Variants in VPS41 observed in about 807,000 individuals in gnomAD.
VPS41 encodes the protein vacuolar protein sorting-associated protein 41 homolog.
Under a neutral mutation model 130.9 loss-of-function variants are expected in VPS41, and 85 were observed. That is an observed-to-expected ratio of 0.65 (90% CI 0.55 to 0.78). The LOEUF (loss-of-function observed/expected upper bound fraction) is 0.78. Among genes scored for constraint, VPS41 ranks in the 30% least tolerant of loss-of-function variants. The probability of loss-of-function intolerance (pLI) is 0.00; values close to 1 mark genes in which losing one functional copy is unlikely to be tolerated. For synonymous variants in VPS41, 335 were observed against 332.9 expected (o/e 1.01, Z -0.07); for missense variants, 874 against 1,018.7 (o/e 0.86, Z 1.93).
intron 17 of VPS41, among the ~76,000 whole-genome samples, chr7:38,761,213 CTTTCTCTCTCTCTCCCTCTTTCTTTGTT>C (rs1783904694): frequency 7.2e-6 from 1 of 138,066 alleles, no homozygotes; most frequent in Non-Finnish European, 1.6e-5. Context: ...CCTTCCTTTT[CTTTCTCTCTCTCTCCCTCTTTCTTTGTT>C]TTTCTCTCTC....
chr7:38,742,666 T>C (rs1200373229), intron 24 of VPS41, among the ~76,000 whole-genome samples: 1 of 151,976 alleles, frequency 6.6e-6, no homozygotes, highest in African/African-American at 2.4e-5. Flanking sequence ...ATCTTGCTAG[T>C]TACAAGTGAG....
intron 3 of VPS41, 107 bp from the exon 4 acceptor site, chr7:38,862,729 G>A (rs1482362546): frequency 1.5e-6 from 1 of 650,574 alleles, no homozygotes; most frequent in East Asian, 3.0e-5. Flanking sequence ...TAAATGATCT[G>A]CAATGTCTCA....
intron 4 of VPS41, among the ~76,000 whole-genome samples, chr7:38,842,599 C>T (rs1785631326): frequency 1.3e-5 from 2 of 152,302 alleles, no homozygotes; most frequent in East Asian, 1.9e-4. Flanking sequence ...TCTCTTCAGG[C>T]TCATTTCCAG....
At chr7:38,851,581 A>G (rs1449938077) in intron 4 of VPS41, among the ~76,000 whole-genome samples, 1 of 152,236 alleles carries the variant, frequency 6.6e-6, no homozygotes, top group Non-Finnish European at 1.5e-5. Flanking sequence ...AAATGGACGT[A>G]TAGATTGTTT....
At chr7:38,753,897 C>G (rs971742116) in intron 21 of VPS41, among the ~76,000 whole-genome samples, 7 of 152,180 alleles carry the variant, frequency 4.6e-5, no homozygotes, top group African/African-American at 1.4e-4. Flanking sequence ...AAAAAATGCT[C>G]TATTCCCTAA....
At position 38,726,133 on chromosome 7, in the gene VPS41, T is replaced by C. The variant is rs1795535835; in HGVS notation, c.*113A>G. The C allele has an allele frequency of 2.8e-6, 2 of 704,726 alleles. No homozygotes were observed. Among genetic ancestry groups the C allele is most frequent in the South Asian group, 1.8e-5 (1 of 56,966 alleles). The allele number at this position is 704,726 out of a possible 1,614,324, so 43.7% of individuals were successfully genotyped here. A position where few individuals can be genotyped will look rare whatever the true frequency, so the allele number is the denominator to read the frequency against. On this transcript the variant is annotated 3_prime_UTR_variant, in exon 29 of 29. Coordinates refer to ENST00000310301, the MANE Select transcript of VPS41 (RefSeq NM_014396.4). ...TAGATGAAGAAATTGTTTTTGAGTA[T>C]AATATAAACATAAACAAATCTCTTA...
intron 17 of VPS41, among the ~76,000 whole-genome samples, chr7:38,763,082 G>A (rs1383114859): frequency 6.6e-6 from 1 of 152,092 alleles, no homozygotes; most frequent in African/African-American, 2.4e-5. Context: ...TTCAGCATTT[G>A]TAAAGGAAGT....
intron 25 of VPS41, among the ~76,000 whole-genome samples, chr7:38,737,123 G>A (rs1358934337): frequency 6.6e-6 from 1 of 152,100 alleles, no homozygotes; most frequent in Non-Finnish European, 1.5e-5. Context: ...CACCTGCCAT[G>A]CCAGCACTTT....
intron 7 of VPS41, among the ~76,000 whole-genome samples, chr7:38,803,781 A>C (rs1423369336): frequency 6.6e-6 from 1 of 152,168 alleles, no homozygotes; most frequent in Non-Finnish European, 1.5e-5. Context: ...TGAACCCTGA[A>C]GGAGGCAGGA....
chr7:38,784,444 G>A (rs1460078389), intron 10 of VPS41, among the ~76,000 whole-genome samples: 2 of 152,012 alleles, frequency 1.3e-5, no homozygotes, highest in Non-Finnish European at 2.9e-5. Context: ...ATACCAGCAT[G>A]GGCAACAAAA....
At chr7:38,758,974 C>G (rs1783861389) in intron 17 of VPS41, among the ~76,000 whole-genome samples, 2 of 152,236 alleles carry the variant, frequency 1.3e-5, no homozygotes, top group African/African-American at 4.8e-5. Context: ...CCCTCTGCAT[C>G]TAATCCATTT....
At chr7:38,871,092 A>G (rs1786348325) in intron 2 of VPS41, among the ~76,000 whole-genome samples, 1 of 152,202 alleles carries the variant, frequency 6.6e-6, no homozygotes. Flanking sequence ...GAAAGGAACA[A>G]GAGCAACATT....
intron 27 of VPS41, 104 bp downstream of exon 27, chr7:38,728,438 A>G (rs878953051): frequency 1.6e-6 from 2 of 1,271,884 alleles, no homozygotes; most frequent in South Asian, 2.4e-5. Flanking sequence ...GGTTATTCTG[A>G]AAGTTATATA....
At chr7:38,848,963 C>A (rs944183390) in intron 4 of VPS41, among the ~76,000 whole-genome samples, 2 of 152,022 alleles carry the variant, frequency 1.3e-5, no homozygotes, top group Non-Finnish European at 2.9e-5. Flanking sequence ...GACTCATTTT[C>A]GTGTAATTTT....
chr7:38,752,115 A>ACTTAC (rs1783685747), intron 22 of VPS41, 61 bp downstream of exon 22: 2 of 1,603,652 alleles, frequency 1.2e-6, no homozygotes, highest in Admixed American at 1.7e-5. Context: ...AAGACAAACA[A>ACTTAC]CTTACCATCA....
At chr7:38,899,828 C>A (rs1466200461) in intron 1 of VPS41, among the ~76,000 whole-genome samples, 5 of 152,176 alleles carry the variant, frequency 3.3e-5, no homozygotes, top group Non-Finnish European at 1.5e-5. Context: ...TCTAAAAAGA[C>A]ACTTGAGTAC....
chr7:38,778,249 TAAG>T (rs1413508915), intron 10 of VPS41, among the ~76,000 whole-genome samples: 1 of 152,160 alleles, frequency 6.6e-6, no homozygotes, highest in Non-Finnish European at 1.5e-5. Context: ...TCCAGATACT[TAAG>T]AATAGTTTTG....
intron 25 of VPS41, among the ~76,000 whole-genome samples, chr7:38,736,532 T>G (rs556581049): frequency 1.1e-4 from 16 of 152,254 alleles, no homozygotes; most frequent in Non-Finnish European, 2.1e-4. Context: ...AGACAACAGT[T>G]GCCTATTTGT....
rs373696436 is a variant in VPS41, at chr7:38,760,371, CCAAA to C, written c.1423-1894_1423-1891del. On this transcript the variant is annotated intron_variant, in intron 17 of 28. Transcript: ENST00000310301. ...TGCAAAAATTGCCTTCCTTTTGTTC[CCAAA>C]CAGAGAGCTGTCATTTCACATGCTT... 8.2e-4 allele frequency among the ~76,000 whole-genome samples: 125 copies of C among 152,198 alleles called. No individual in the cohort carries two copies. In the South Asian group the frequency reaches 0.016, roughly 20 times the overall value.
Sources: gnomAD v4.1 joint callset for allele counts (sites outside exome capture counted in the v4.1 genomes callset) on GRCh38, gnomAD v4.1.1 for gene constraint, MANE v1.5 for transcripts, NCBI Gene and HGNC (gene_info 2026-07-23, HGNC 2026-07-21) for gene names.